The following DPP6 variants were observed in gnomAD, a reference collection of about 807,000 sequenced individuals.
The protein encoded by DPP6 is dipeptidyl peptidase like 6, also known as A-type potassium channel modulatory protein DPP6.
In DPP6, 69 loss-of-function variants were observed where a neutral mutation model predicts 122.6. That is an observed-to-expected ratio of 0.56 (90% CI 0.46 to 0.69). DPP6 has a LOEUF of 0.69. DPP6 is among the 30% of genes least tolerant of loss of function. The pLI is 0.00. For missense variants in DPP6, 928 were observed against 1,116.9 expected (o/e 0.83, Z 2.41); for synonymous variants, 418 against 433.1 (o/e 0.97, Z 0.43).
intron 1 of DPP6, among the ~76,000 whole-genome samples, chr7:153,943,063 C>T (rs936874134): frequency 2.9e-4 from 44 of 152,226 alleles, no homozygotes; most frequent in Admixed American, 2.6e-3. Flanking sequence ...CCTTTTTGAC[C>T]GTTCTGATTT....
intron 1 of DPP6, among the ~76,000 whole-genome samples, chr7:154,292,733 G>A (rs117318696): frequency 7.2e-5 from 11 of 152,282 alleles, no homozygotes; most frequent in East Asian, 1.9e-4. Context: ...GCAGAGTCTC[G>A]TTTTTGATTT....
chr7:154,629,064 T>C (rs1379515970), intron 5 of DPP6, among the ~76,000 whole-genome samples: 1 of 152,158 alleles, frequency 6.6e-6, no homozygotes, highest in African/African-American at 2.4e-5. Flanking sequence ...TTTCATGAAG[T>C]GTCTGTCACA....
intron 7 of DPP6, among the ~76,000 whole-genome samples, chr7:154,698,976 C>G (rs561652630): frequency 2.0e-5 from 3 of 152,296 alleles, no homozygotes; most frequent in African/African-American, 7.2e-5. Context: ...GACGGGATAA[C>G]GAGCCCCTGT....
At position 154,893,527 on chromosome 7, in the gene DPP6, T is replaced by C. The variant is rs183763197; in HGVS notation, c.*1047T>C. ...ACTCCACCCACAGGCCCGCTGTGTG[T>C]GCTCGGGCCACGGGAGTCCTGAGGG... On this transcript the variant is annotated 3_prime_UTR_variant, in exon 26 of 26. Coordinates refer to ENST00000377770, the MANE Select transcript of DPP6 (RefSeq NM_130797.4). 5 of 149,064 alleles carry C rather than the reference T, an allele frequency of 3.4e-5. No homozygotes were observed. The highest frequency in any genetic ancestry group is 2.7e-4 in the Admixed American group (4 of 14,990). The allele number at this position is 149,064 out of a possible 1,614,324, so 9.2% of individuals were successfully genotyped here.
chr7:154,758,134 G>A (rs1795263049), intron 8 of DPP6, among the ~76,000 whole-genome samples: 1 of 152,226 alleles, frequency 6.6e-6, no homozygotes, highest in Admixed American at 6.5e-5. Flanking sequence ...CCTGGGAACT[G>A]TAGTTGGCAG....
intron 3 of DPP6, among the ~76,000 whole-genome samples, chr7:154,494,736 C>T (rs1253219199): frequency 6.6e-6 from 1 of 152,136 alleles, no homozygotes; most frequent in Non-Finnish European, 1.5e-5. Context: ...TCACATCAGG[C>T]CCAGTGATCC....
At chr7:154,236,006 C>T (rs1440464999) in intron 1 of DPP6, among the ~76,000 whole-genome samples, 2 of 152,080 alleles carry the variant, frequency 1.3e-5, no homozygotes, top group Non-Finnish European at 2.9e-5. Context: ...GCGTGCGCCA[C>T]TACTCCCGGC....
At chr7:154,033,460 G>A (rs1466016187) in intron 1 of DPP6, among the ~76,000 whole-genome samples, 5 of 152,164 alleles carry the variant, frequency 3.3e-5, no homozygotes, top group African/African-American at 4.8e-5. Context: ...CCAAGTCCCC[G>A]TCCAGCATTT....
chr7:154,023,318 G>GCACGCACGCACACACACA (rs373378162), intron 1 of DPP6, among the ~76,000 whole-genome samples: 19 of 129,616 alleles, frequency 1.5e-4, no homozygotes, highest in Middle Eastern at 7.8e-3. Context: ...TTTCTTGTCT[G>GCACGCACGCACACACACA]CACACACACA....
chr7:154,875,486 C>T lies in DPP6; in HGVS notation c.1884-420C>T, dbSNP rs1242911835. On this transcript the variant is annotated intron_variant, in intron 19 of 25. Transcript: ENST00000377770. This position sits in a 1 kb window ranked among gnomAD's most constrained non-coding sequence, Gnocchi z 4.5. ...AAGCCAGGGATGTGGCTAGAGTCAG[C>T]GCGGCCTTGTCACTTGTGATGGGTA... Among the ~76,000 whole-genome samples, 4 of 152,306 alleles carry T rather than the reference C, an allele frequency of 2.6e-5. No individual in the cohort carries two copies. The highest frequency in any genetic ancestry group is 1.9e-4 in the East Asian group (1 of 5,178).
chr7:154,890,789 C>A (rs1267316863), intron 25 of DPP6: 1 of 152,160 alleles, frequency 6.6e-6, no homozygotes, highest in Non-Finnish European at 1.5e-5. Flanking sequence ...AAGCTTCCTG[C>A]CCATATCCTC....
At chr7:154,541,432 A>G (rs1335040551) in intron 4 of DPP6, among the ~76,000 whole-genome samples, 1 of 152,150 alleles carries the variant, frequency 6.6e-6, no homozygotes, top group Non-Finnish European at 1.5e-5. Context: ...ACTGTACTCG[A>G]CCCCAAAGAT....
At chr7:154,685,943 C>T (rs1839572488) in intron 7 of DPP6, among the ~76,000 whole-genome samples, 1 of 152,074 alleles carries the variant, frequency 6.6e-6, no homozygotes, top group African/African-American at 2.4e-5. Flanking sequence ...AACCTATAAA[C>T]AATAAACTTT....
chr7:153,797,336 G>A, the DPP6 span, among the ~76,000 whole-genome samples: 1 of 152,126 alleles, frequency 6.6e-6, no homozygotes, highest in Non-Finnish European at 1.5e-5. Context: ...AAGAGGAGAA[G>A]AAGAAAACGG....
At chr7:154,537,246 A>T (rs922621899) in intron 3 of DPP6, among the ~76,000 whole-genome samples, 5 of 152,180 alleles carry the variant, frequency 3.3e-5, no homozygotes, top group African/African-American at 4.8e-5. Context: ...CAAAATAAAT[A>T]AACCAATGAA....
intron 1 of DPP6, among the ~76,000 whole-genome samples, chr7:154,230,315 A>G (rs1416402252): frequency 6.6e-6 from 1 of 152,236 alleles, no homozygotes; most frequent in Non-Finnish European, 1.5e-5. Context: ...TCAACAAACT[A>G]TTTCTCAGTT....
At position 154,156,798 on chromosome 7, in the gene DPP6, T is replaced by C. The variant is rs145533649; in HGVS notation, c.243+103735T>C. 2.1e-3 allele frequency among the ~76,000 whole-genome samples: 315 copies of C among 152,342 alleles called. 2 individuals are homozygous for C. The highest frequency in any genetic ancestry group is 7.5e-3 in the African/African-American group (310 of 41,578). ...GTAGGTAGGTAGGTAGGTAGATAGA[T>C]AGATAACCCATGAATGTTGAAGAAT... On this transcript the variant is annotated intron_variant, in intron 1 of 25. Coordinates refer to ENST00000377770, the MANE Select transcript of DPP6 (RefSeq NM_130797.4).
chr7:154,762,656 C>T (rs768271838), intron 8 of DPP6, among the ~76,000 whole-genome samples: 3 of 152,206 alleles, frequency 2.0e-5, no homozygotes, highest in Admixed American at 1.3e-4. Context: ...TCAGTAGACC[C>T]GGAAGCTTAG....
chr7:154,528,710 T>G (rs926248756), intron 3 of DPP6, among the ~76,000 whole-genome samples: 8 of 152,190 alleles, frequency 5.3e-5, no homozygotes, highest in Non-Finnish European at 2.9e-5. Context: ...CATGCTGTGA[T>G]GAATATAAAA....
Sources: allele counts gnomAD v4.1 joint callset (sites outside exome capture counted in the v4.1 genomes callset), GRCh38; gene constraint gnomAD v4.1.1; non-coding constraint Gnocchi (gnomAD v3.1); transcripts MANE v1.5; gene names NCBI Gene and HGNC (gene_info 2026-07-23, HGNC 2026-07-21).